The following MYADML2 variants were observed in gnomAD, a reference collection of about 807,000 sequenced individuals.
MYADML2 encodes myeloid-associated differentiation marker-like protein 2.
A neutral mutation model predicts 16.0 loss-of-function variants in MYADML2; 17 were observed. The observed-to-expected ratio is 1.06, with a 90% CI of 0.73 to 1.60. The LOEUF (loss-of-function observed/expected upper bound fraction) is 1.60. MYADML2 is among the 40% of genes most tolerant of loss of function. The pLI is 0.00. For missense variants in MYADML2, 422 were observed against 437.7 expected, an observed-to-expected ratio of 0.96 and a Z score of 0.32; for synonymous variants, 210 against 208.1, an observed-to-expected ratio of 1.01 and a Z score of -0.08.
chr17:81,941,008 G>T lies in MYADML2; in HGVS notation c.734C>A (p.Ala245Asp). The change falls in exon 3 of 3, where the codon GCC becomes GAC. Residue 245 changes from alanine to aspartate, a missense_variant. Ala to Asp is a moderately radical substitution (Grantham distance 126). Transcript: ENST00000409745. ...TFLAVLLYLS[A>D]AVIWPVFCFD... is the part of the protein sequence containing the mutation. Reference sequence around the variant, plus strand: ...ACAGAAGACTGGCCAGATCACGGCGGCGCTGAGGTACAGGAGCACAGCCAG... The same window carrying T: ...ACAGAAGACTGGCCAGATCACGGCGTCGCTGAGGTACAGGAGCACAGCCAG... The T allele has an allele frequency of 2.6e-6, 4 of 1,550,556 alleles. No individual in the cohort carries two copies. Among genetic ancestry groups the T allele is most frequent in the Non-Finnish European group, 3.5e-6 (4 of 1,146,990 alleles).
rs1224149447 is a variant in MYADML2 at position 81,942,794 on chromosome 17, G to A, written c.-180-421C>T. Among the ~76,000 whole-genome samples the A allele has an allele frequency of 1.3e-5, 2 of 151,748 alleles. No individual in the cohort carries two copies. Among genetic ancestry groups the A allele is most frequent in the Non-Finnish European group, 2.9e-5 (2 of 67,936 alleles). ...TCTTGATCTCTTGACCTCATGATCC[G>A]CCTGCCTCGGCCTCCCAAAGTGCTG... On this transcript the variant is annotated intron_variant, in intron 1 of 2. Transcript: ENST00000409745. This position sits in a 1 kb window ranked among gnomAD's most constrained non-coding sequence, Gnocchi z 4.4.
intron 1 of MYADML2, among the ~76,000 whole-genome samples, chr17:81,943,408 CTT>C (rs111377786): frequency 9.4e-5 from 13 of 138,132 alleles, no homozygotes; most frequent in Non-Finnish European, 7.9e-5. Context: ...TTCTTTTTTT[CTT>C]TTTTTTTTTT....
At chr17:81,945,532 C>CTT (rs1322354599) in intron 1 of MYADML2, among the ~76,000 whole-genome samples, 6 of 150,536 alleles carry the variant, frequency 4.0e-5, no homozygotes, top group Non-Finnish European at 5.9e-5. Context: ...GAGCAAGACT[C>CTT]TGTCTCAAAA....
At position 81,941,245 on chromosome 17, in the gene MYADML2, A is replaced by G; in HGVS notation, c.497T>C (p.Leu166Pro). The change falls in exon 3 of 3, where the codon CTC becomes CCC. Residue 166 changes from leucine to proline, a missense_variant. Coordinates refer to ENST00000409745, the MANE Select transcript of MYADML2 (RefSeq NM_001145113.3). ...CACGAAGGCCTGGACGATCTTGAGGAGCCCCGACACCGTGGCCATATAGCT... is the reference window on the plus strand; with the variant it reads ...CACGAAGGCCTGGACGATCTTGAGGGGCCCCGACACCGTGGCCATATAGCT... The part of the protein sequence containing the change: ...VSSYMATVSG[L>P]LKIVQAFVAC... The G allele has an allele frequency of 6.5e-7, 1 of 1,550,084 alleles. No individual in the cohort carries two copies. Among genetic ancestry groups the G allele is most frequent in the South Asian group, 1.2e-5 (1 of 84,060 alleles).
At chr17:81,944,679 G>T (rs1195497618) in intron 1 of MYADML2, among the ~76,000 whole-genome samples, 2 of 152,298 alleles carry the variant, frequency 1.3e-5, no homozygotes, top group East Asian at 1.9e-4. Context: ...CAGCCTTGGG[G>T]TGGGGGGTTG....
Position 81,940,857 on chromosome 17 carries a change from G to T in MYADML2, c.885C>A (p.Leu295=). The stretch of plus-strand genomic sequence containing the variant: ...CGAAGCGAATCCTCTGGGAGTAGGC[G>T]AGGTCAACGACGTACAGGAGCAGGT... ...YVNLLLYVVD[L]AYSQRIRFVP... is the part of the protein sequence containing the mutation. Residue 295 remains leucine (L), a synonymous_variant, in exon 3 of 3, where the codon CTC becomes CTA. Transcript: ENST00000409745. 6.5e-7 allele frequency: 1 copy of T among 1,528,886 alleles called. No homozygotes were observed. The highest frequency in any genetic ancestry group is 8.8e-7 in the Non-Finnish European group (1 of 1,133,246). The allele number at this position is 1,528,886 out of a possible 1,614,324, so 94.7% of individuals were successfully genotyped here.
At chr17:81,946,602 C>T (rs895114304) in intron 1 of MYADML2, among the ~76,000 whole-genome samples, 7 of 151,884 alleles carry the variant, frequency 4.6e-5, no homozygotes, top group East Asian at 3.9e-4. Flanking sequence ...GAGCCGAGAT[C>T]GCGCCACTGC....
chr17:81,941,637 A>G lies in MYADML2; in HGVS notation c.105T>C (p.Thr35=), dbSNP rs1400061862. 1.3e-6 allele frequency: 2 copies of G among 1,549,484 alleles called. No homozygotes were observed. Among genetic ancestry groups the G allele is most frequent in the Non-Finnish European group, 1.7e-6 (2 of 1,146,820 alleles). ...ARVLQLAFGC[T]TFSLVAHRGG... ...CCCGGTGGGCCACCAGGCTGAAGGT[A>G]GTGCAGCCAAAGGCCAGCTGCAGCA... The change falls in exon 3 of 3, where the codon ACT becomes ACC. Residue 35 remains threonine, a synonymous_variant. Transcript: ENST00000409745.
Position 81,942,573 on chromosome 17 carries a change from T to C in MYADML2, c.-180-200A>G, listed in dbSNP as rs2041314648. 6.6e-6 allele frequency among the ~76,000 whole-genome samples: 1 copy of C among 152,078 alleles called. No homozygotes were observed. Among genetic ancestry groups the C allele is most frequent in the African/African-American group, 2.4e-5 (1 of 41,386 alleles). On this transcript the variant is annotated intron_variant, in intron 1 of 2. Transcript: ENST00000409745. The surrounding 1 kb of genome is among the most constrained non-coding windows in gnomAD (Gnocchi z 4.4). ...AACACCTAGAAAAACACTCAACTCTTCCCTTTTTTTTTGAGATGGAGCCTC... is the reference window on the plus strand; with the variant it reads ...AACACCTAGAAAAACACTCAACTCTCCCCTTTTTTTTTGAGATGGAGCCTC...
At position 81,941,608 on chromosome 17, in the gene MYADML2, C is replaced by G. The variant is rs2143920846; in HGVS notation, c.134G>C (p.Gly45Ala). ...TTFSLVAHRGGFAGVQGTFCM... is the reference protein window; with the variant it reads ...TTFSLVAHRGAFAGVQGTFCM... ...GAAGGTGCCCTGGACGCCCGCAAAGCCACCCCGGTGGGCCACCAGGCTGAA... is the reference window on the plus strand; with the variant it reads ...GAAGGTGCCCTGGACGCCCGCAAAGGCACCCCGGTGGGCCACCAGGCTGAA... The change falls in exon 3 of 3, where the codon GGC (glycine) becomes GCC (alanine). Residue 45 changes from glycine to alanine, a missense_variant. Coordinates refer to ENST00000409745, the MANE Select transcript of MYADML2 (RefSeq NM_001145113.3). The G allele has an allele frequency of 1.9e-6, 3 of 1,548,870 alleles. No homozygotes were observed. Among genetic ancestry groups the G allele is most frequent in the East Asian group, 4.9e-5 (2 of 40,906 alleles).
rs1311460711 is a variant in MYADML2, at chr17:81,940,182, G to A, written c.*636C>T. 1 of 152,362 alleles carries A rather than the reference G, an allele frequency of 6.6e-6. No homozygotes were observed. The highest frequency in any genetic ancestry group is 1.5e-5 in the Non-Finnish European group (1 of 68,134). The allele number at this position is 152,362 out of a possible 1,614,324, so 9.4% of individuals were successfully genotyped here. A position where few individuals can be genotyped will look rare whatever the true frequency, so the allele number is the denominator to read the frequency against. ...CCAGCCCAGAGGCTTCCCGGACGTG[G>A]GTGGGAGAGGCTGGTCCAGATTTCT... On this transcript the variant is annotated 3_prime_UTR_variant, in exon 3 of 3. Transcript: ENST00000409745.
At chr17:81,946,310 G>C (rs564398994) in intron 1 of MYADML2, among the ~76,000 whole-genome samples, 4 of 151,712 alleles carry the variant, frequency 2.6e-5, no homozygotes, top group African/African-American at 4.9e-5. Context: ...AGCCGAGATC[G>C]TGCCACTGCA....
intron 1 of MYADML2, among the ~76,000 whole-genome samples, chr17:81,945,034 G>A (rs181161885): frequency 6.6e-6 from 1 of 152,308 alleles, no homozygotes; most frequent in Non-Finnish European, 1.5e-5. Context: ...GGGAGGCTGA[G>A]GCAGGCAGAT....
chr17:81,941,621 C>A lies in MYADML2; in HGVS notation c.121G>T (p.Ala41Ser), dbSNP rs142011122. 6.0e-4 allele frequency: 926 copies of A among 1,549,054 alleles called. 9 individuals carry two copies. In the African/African-American group the frequency reaches 0.011, roughly 19 times the overall value. ...ACGCCCGCAAAGCCACCCCGGTGGG[C>A]CACCAGGCTGAAGGTAGTGCAGCCA... ...AFGCTTFSLV[A>S]HRGGFAGVQG... The change falls in exon 3 of 3, where the codon GCC becomes TCC. Residue 41 changes from alanine (A) to serine (S), a missense_variant. Physicochemically the swap from Ala to Ser is moderately conservative, Grantham distance 99 (BLOSUM62 1). Coordinates refer to ENST00000409745, the MANE Select transcript of MYADML2 (RefSeq NM_001145113.3).
chr17:81,940,570 G>A lies in MYADML2; in HGVS notation c.*248C>T, dbSNP rs2041293575. 2.1e-6 allele frequency: 1 copy of A among 483,702 alleles called. No homozygotes were observed. The highest frequency in any genetic ancestry group is 3.1e-5 in the East Asian group (1 of 32,228). The allele number at this position is 483,702 out of a possible 1,614,324, so 30.0% of individuals were successfully genotyped here. The stretch of plus-strand genomic sequence containing the variant: ...GCGCTGGGAAATGGTGAGAGAGAGT[G>A]AGTTGGGGATTGGCCTAGGTGAGGC... On this transcript the variant is annotated 3_prime_UTR_variant, in exon 3 of 3. Coordinates refer to ENST00000409745, the MANE Select transcript of MYADML2 (RefSeq NM_001145113.3).
At position 81,941,371 on chromosome 17, in the gene MYADML2, G is replaced by A. The variant is rs1373840348; in HGVS notation, c.371C>T (p.Ala124Val). 6.5e-7 allele frequency: 1 copy of A among 1,548,868 alleles called. No individual in the cohort carries two copies. Among genetic ancestry groups the A allele is most frequent in the Non-Finnish European group, 8.7e-7 (1 of 1,146,324 alleles). Residue 124 changes from alanine (A) to valine (V), a missense_variant, in exon 3 of 3, where the codon GCC becomes GTC. By Grantham distance (64) the Ala-to-Val change is moderately conservative. Transcript: ENST00000409745. Reference sequence around the variant, plus strand: ...ACTGGCTGCCAGGCGGAAGTCCCTGGCAGCACAGCCGGCGGGCTCGGGGGA... The same window carrying A: ...ACTGGCTGCCAGGCGGAAGTCCCTGACAGCACAGCCGGCGGGCTCGGGGGA... ...ECSPEPAGCA[A>V]RDFRLAASVF...
chr17:81,944,053 A>C (rs2041325361), intron 1 of MYADML2, among the ~76,000 whole-genome samples: 3 of 151,582 alleles, frequency 2.0e-5, no homozygotes, highest in Admixed American at 6.6e-5. Context: ...CAGAGGTTGC[A>C]GTGAGCCGAA....
rs1294568734 is a variant in MYADML2 at position 81,941,030 on chromosome 17, C to T, written c.712G>A (p.Ala238Thr). 6.4e-7 allele frequency: 1 copy of T among 1,550,452 alleles called. No homozygotes were observed. The highest frequency in any genetic ancestry group is 1.4e-5 in the African/African-American group (1 of 73,168). ...DRLVVVYTFLAVLLYLSAAVI... is the reference protein window; with the variant it reads ...DRLVVVYTFLTVLLYLSAAVI... ...GCGGCGCTGAGGTACAGGAGCACAGCCAGGAAGGTGTACACCACCACCAGC... is the reference window on the plus strand; with the variant it reads ...GCGGCGCTGAGGTACAGGAGCACAGTCAGGAAGGTGTACACCACCACCAGC... Residue 238 changes from alanine to threonine, a missense_variant, in exon 3 of 3, where the codon GCT becomes ACT. By Grantham distance (58) the Ala-to-Thr change is moderately conservative. Transcript: ENST00000409745.
At position 81,941,334 on chromosome 17, in the gene MYADML2, C is replaced by T. The variant is rs1225774434; in HGVS notation, c.408G>A (p.Gly136=). 1 of 1,549,292 alleles carries T rather than the reference C, an allele frequency of 6.5e-7. No homozygotes were observed. Among genetic ancestry groups the T allele is most frequent in the Non-Finnish European group, 8.7e-7 (1 of 1,146,452 alleles). The part of the protein sequence containing the change: ...DFRLAASVFA[G]LLFLAYAVEV... ...CCACAGCGTAGGCCAGGAAGAGGAGCCCGGCGAAGACACTGGCTGCCAGGC... is the reference window on the plus strand; with the variant it reads ...CCACAGCGTAGGCCAGGAAGAGGAGTCCGGCGAAGACACTGGCTGCCAGGC... The change falls in exon 3 of 3, where the codon GGG becomes GGA. Residue 136 remains glycine, a synonymous_variant. Transcript: ENST00000409745.
Sources: allele counts gnomAD v4.1 joint callset (sites outside exome capture counted in the v4.1 genomes callset), GRCh38; gene constraint gnomAD v4.1.1; non-coding constraint Gnocchi (gnomAD v3.1); transcripts MANE v1.5; gene names NCBI Gene and HGNC (gene_info 2026-07-23, HGNC 2026-07-21).